RUNX1: variants seen among roughly 807,000 people sequenced by gnomAD.
RUNX1 encodes the protein RUNX family transcription factor 1.
Under a neutral mutation model 42.8 loss-of-function variants are expected in RUNX1, and 19 were observed. The observed-to-expected ratio is 0.44, with a 90% confidence interval of 0.31 to 0.65. The LOEUF is 0.65. RUNX1 is among the 30% of genes least tolerant of loss of function. RUNX1 has a pLI of 0.07. For missense variants in RUNX1, 528 were observed against 672.0 expected (o/e 0.79, Z 2.37); for synonymous variants, 271 against 289.4 (o/e 0.94, Z 0.64).
At chr21:34,887,673 G>A in intron 3 of RUNX1, 3 of 1,074,980 alleles carry the variant, frequency 2.8e-6, no homozygotes, top group Non-Finnish European at 3.4e-6. Context: ...TCCAAAGGTA[G>A]TGCTACTAAT....
intron 6 of RUNX1, among the ~76,000 whole-genome samples, chr21:34,858,124 G>C (rs1357831837): frequency 1.3e-5 from 2 of 152,226 alleles, no homozygotes; most frequent in East Asian, 3.8e-4. Flanking sequence ...TATTTGCAGA[G>C]CTCCATCCAC....
At chr21:34,937,730 A>C (rs1056920222) in intron 2 of RUNX1, among the ~76,000 whole-genome samples, 3 of 151,680 alleles carry the variant, frequency 2.0e-5, no homozygotes, top group Non-Finnish European at 2.9e-5. Context: ...GAAAAGATAC[A>C]ATACCCTGTT....
chr21:35,046,879 G>A (rs954089596), intron 2 of RUNX1, among the ~76,000 whole-genome samples: 6 of 151,912 alleles, frequency 3.9e-5, no homozygotes, highest in Non-Finnish European at 8.8e-5. Context: ...GTCTTGGTGC[G>A]AGCTCAGGCC....
chr21:34,823,430 G>GTTTTTTTTTTTTTTTTTTTTTT (rs56957776), intron 7 of RUNX1, among the ~76,000 whole-genome samples: 1 of 99,712 alleles, frequency 1.0e-5, no homozygotes, highest in Non-Finnish European at 1.8e-5. Flanking sequence ...TTCCTGGTGG[G>GTTTTTTTTTTTTTTTTTTTTTT]TTTTTTTTTT....
chr21:34,843,591 T>C lies in RUNX1; in HGVS notation c.614-8990A>G, dbSNP rs1034486858. Among the ~76,000 whole-genome samples, 4 of 152,094 alleles carry C rather than the reference T, an allele frequency of 2.6e-5. No homozygotes were observed. The highest frequency in any genetic ancestry group is 9.7e-5 in the African/African-American group (4 of 41,404). ...GACAAGTGTAGCAAGCAACAGTCAA[T>C]GGACAGGAAAGGCTGGCCAACGCCA... is the stretch of plus-strand genomic sequence containing the variant. On this transcript the variant is annotated intron_variant, in intron 6 of 8. Coordinates refer to ENST00000675419, the MANE Select transcript of RUNX1 (RefSeq NM_001754.5). This position sits in a 1 kb window ranked among gnomAD's most constrained non-coding sequence, Gnocchi z 4.8.
At chr21:34,865,839 A>T (rs2057653783) in intron 5 of RUNX1, among the ~76,000 whole-genome samples, 1 of 152,218 alleles carries the variant, frequency 6.6e-6, no homozygotes, top group Non-Finnish European at 1.5e-5. Flanking sequence ...TGAGGGTGGC[A>T]AGGAGATTAC....
rs898336831 is a variant in RUNX1, at chr21:35,033,446, G to A, written c.58+15396C>T. On this transcript the variant is annotated intron_variant, in intron 2 of 8. Transcript: ENST00000675419. ...ATTACTGCTTCAGGGAGCAAACGCA[G>A]ATGGAGTGTGTCCATCCATGTCTGT... is the stretch of plus-strand genomic sequence containing the variant. 2.0e-5 allele frequency among the ~76,000 whole-genome samples: 3 copies of A among 152,328 alleles called. No homozygotes were observed. The East Asian group carries it at 5.8e-4, about 29-fold the overall frequency.
chr21:34,850,907 A>G (rs1408561401), intron 6 of RUNX1, among the ~76,000 whole-genome samples: 1 of 152,194 alleles, frequency 6.6e-6, no homozygotes, highest in African/African-American at 2.4e-5. Flanking sequence ...TCAAGACTAA[A>G]TCTGAATTAT....
chr21:34,866,295 A>T (rs1364589198), intron 5 of RUNX1, among the ~76,000 whole-genome samples: 5 of 152,202 alleles, frequency 3.3e-5, no homozygotes, highest in Admixed American at 3.3e-4. Flanking sequence ...CCAAAGAGTG[A>T]GAAAGGAAAA....
In RUNX1 at chr21:34,791,819, C is replaced by A. The variant is rs899596480; in HGVS notation, c.*316G>T. 7 of 233,468 alleles carry A rather than the reference C, an allele frequency of 3.0e-5. No individual in the cohort carries two copies. The highest frequency in any genetic ancestry group is 4.5e-5 in the African/African-American group (2 of 44,776). The allele number at this position is 233,468 out of a possible 1,614,324, so 14.5% of individuals were successfully genotyped here. A position where few individuals can be genotyped will look rare whatever the true frequency, so the allele number is the denominator to read the frequency against. On this transcript the variant is annotated 3_prime_UTR_variant, in exon 9 of 9. Coordinates refer to ENST00000675419, the MANE Select transcript of RUNX1 (RefSeq NM_001754.5). ...TAAATCAGAAGCATTCACAGTTTCC[C>A]TCCGGGAATCTTCCTGTTTGCTTTC...
chr21:34,929,523 T>C (rs146432717), intron 2 of RUNX1, among the ~76,000 whole-genome samples: 10 of 152,310 alleles, frequency 6.6e-5, no homozygotes, highest in Non-Finnish European at 1.5e-4. Context: ...GATTTTGCCA[T>C]TGAGTTTCAT....
intron 8 of RUNX1, among the ~76,000 whole-genome samples, chr21:34,798,506 T>A (rs773533353): frequency 1.5e-4 from 23 of 152,208 alleles, no homozygotes; most frequent in Non-Finnish European, 2.5e-4. Context: ...GGCCTCTGTA[T>A]GAACAGCGCT....
chr21:34,905,271 G>A (rs1174385723), intron 2 of RUNX1, among the ~76,000 whole-genome samples: 1 of 152,190 alleles, frequency 6.6e-6, no homozygotes, highest in South Asian at 2.1e-4. Context: ...TCGCTCACAA[G>A]AGAATTCATT....
At position 34,792,311 on chromosome 21, in the gene RUNX1, G is replaced by GCC; in HGVS notation, c.1266_1267insGG (p.Arg423GlyfsTer172). On this transcript the variant is annotated frameshift_variant, in exon 9 of 9. Transcript: ENST00000675419. LOFTEE classifies it high-confidence loss of function. This position sits in a 1 kb window ranked among gnomAD's most constrained non-coding sequence, Gnocchi z 6.9. ...GGCGGCAGGATGCGCGGCGGCGAGC[G>GCC]CTCGCCGCCCACCATGGAGAACTGG... 10 of 1,539,160 alleles carry GCC rather than the reference G, an allele frequency of 6.5e-6. No homozygotes were observed. The highest frequency in any genetic ancestry group is 2.5e-5 in the East Asian group (1 of 40,446).
chr21:35,025,700 G>C (rs2059230643), intron 2 of RUNX1, among the ~76,000 whole-genome samples: 1 of 152,174 alleles, frequency 6.6e-6, no homozygotes, highest in Non-Finnish European at 1.5e-5. Context: ...GTGAGGCCAT[G>C]AGACAGAGGA....
At chr21:34,919,752 G>A (rs1365167086) in intron 2 of RUNX1, among the ~76,000 whole-genome samples, 1 of 152,196 alleles carries the variant, frequency 6.6e-6, no homozygotes, top group African/African-American at 2.4e-5. Context: ...TGATAATTGA[G>A]TATTATTAGA....
At chr21:34,951,619 T>C (rs976230324) in intron 2 of RUNX1, among the ~76,000 whole-genome samples, 5 of 152,200 alleles carry the variant, frequency 3.3e-5, no homozygotes, top group Admixed American at 6.5e-5. Flanking sequence ...AACAGACATA[T>C]GAAAAAATGC....
intron 2 of RUNX1, among the ~76,000 whole-genome samples, chr21:34,913,898 G>C (rs753081491): frequency 6.6e-6 from 1 of 152,158 alleles, no homozygotes; most frequent in East Asian, 1.9e-4. Context: ...TTTACATGGC[G>C]TGTTGTCTAA....
rs889013532 is a variant in RUNX1, at chr21:34,921,107, C to T, written c.59-28144G>A. On this transcript the variant is annotated intron_variant, in intron 2 of 8. Coordinates refer to ENST00000675419, the MANE Select transcript of RUNX1 (RefSeq NM_001754.5). ...CAACTGACCTCAAGTGATTTGCCTG[C>T]CTGGGCCTCTCAAAGTGTTGGGATT... is the stretch of plus-strand genomic sequence containing the variant. 5.3e-5 allele frequency among the ~76,000 whole-genome samples: 8 copies of T among 152,302 alleles called. No homozygotes were observed. The South Asian group carries it at 1.0e-3, about 20-fold the overall frequency.
Sources: allele counts gnomAD v4.1 joint callset (sites outside exome capture counted in the v4.1 genomes callset), GRCh38; gene constraint gnomAD v4.1.1; non-coding constraint Gnocchi (gnomAD v3.1); transcripts MANE v1.5; gene names NCBI Gene and HGNC (gene_info 2026-07-23, HGNC 2026-07-21).